Variants in HEATR5A observed in about 807,000 individuals in gnomAD.
HEATR5A encodes HEAT repeat containing 5A.
In HEATR5A, 178 loss-of-function variants were observed where a neutral mutation model predicts 218.8. That is an observed-to-expected ratio of 0.81 (90% CI 0.72 to 0.92). The LOEUF is 0.92. Ranked by LOEUF, HEATR5A falls within the 40% of genes least tolerant of loss-of-function variation. The probability of loss-of-function intolerance (pLI) is 0.00; values close to 1 mark genes in which losing one functional copy is unlikely to be tolerated. For missense variants in HEATR5A, 2,420 were observed against 2,418.9 expected (o/e 1.00, Z -0.01); for synonymous variants, 864 against 871.6 (o/e 0.99, Z 0.15).
At chr14:31,384,805 C>A (rs1412236290) in intron 9 of HEATR5A, among the ~76,000 whole-genome samples, 1 of 152,084 alleles carries the variant, frequency 6.6e-6, no homozygotes, top group Non-Finnish European at 1.5e-5. Flanking sequence ...GGATTACAGG[C>A]ATGAGCCACC....
chr14:31,333,257 T>C lies in HEATR5A; in HGVS notation c.3367+4219A>G, dbSNP rs577607254. 3.4e-4 allele frequency among the ~76,000 whole-genome samples: 51 copies of C among 152,202 alleles called. No homozygotes were observed. In the East Asian group the frequency reaches 8.9e-3, roughly 27 times the overall value. On this transcript the variant is annotated intron_variant, in intron 22 of 35. Transcript: ENST00000543095. ...CAAAACAACAGTTTTTCTTTTTCTT[T>C]CCTTTTTTTGAGACTGAGTCTTGCT...
intron 25 of HEATR5A, chr14:31,320,178 C>T (rs1011340285): frequency 3.5e-5 from 20 of 565,836 alleles, no homozygotes; most frequent in Non-Finnish European, 5.7e-5. Flanking sequence ...CCAGGAATGG[C>T]GCGGAGTTGC....
Position 31,395,180 on chromosome 14 carries a change from G to A in HEATR5A, c.597+19C>T, listed in dbSNP as rs528972849. ...TTCTTTATATTAATTTTTAAAGTCT[G>A]CTTATTAGATCATTTTACCTTTGCA... is the stretch of plus-strand genomic sequence containing the variant. On this transcript the variant is annotated intron_variant, in intron 5 of 35. Coordinates refer to ENST00000543095, the MANE Select transcript of HEATR5A (RefSeq NM_015473.4). The A allele has an allele frequency of 6.1e-6, 9 of 1,465,494 alleles. No individual in the cohort carries two copies. In the Admixed American group the frequency reaches 1.9e-4, roughly 30 times the overall value. The allele number at this position is 1,465,494 out of a possible 1,614,324, so 90.8% of individuals were successfully genotyped here. A position where few individuals can be genotyped will look rare whatever the true frequency, so the allele number is the denominator to read the frequency against.
intron 13 of HEATR5A, among the ~76,000 whole-genome samples, chr14:31,365,689 G>A (rs921921313): frequency 1.3e-5 from 2 of 150,434 alleles, no homozygotes; most frequent in African/African-American, 4.9e-5. Context: ...TGTCGAGACA[G>A]GGTCTTGCTC....
chr14:31,320,556 C>A, intron 25 of HEATR5A: 1 of 919,070 alleles, frequency 1.1e-6, no homozygotes. Context: ...AAGGAGAAGG[C>A]AGACACAGGC....
chr14:31,376,803 A>G (rs1202500200), intron 11 of HEATR5A, among the ~76,000 whole-genome samples: 15 of 152,186 alleles, frequency 9.9e-5, no homozygotes, highest in Non-Finnish European at 2.2e-4. Context: ...CAAAGCAAAA[A>G]TTAACAAAGC....
At chr14:31,336,661 G>A (rs1019502113) in intron 22 of HEATR5A, among the ~76,000 whole-genome samples, 10 of 152,096 alleles carry the variant, frequency 6.6e-5, no homozygotes, top group African/African-American at 2.4e-4. Flanking sequence ...TCTTTAACTT[G>A]TAGCAGACGT....
intron 6 of HEATR5A, among the ~76,000 whole-genome samples, chr14:31,391,331 G>T (rs2030446149): frequency 6.6e-6 from 1 of 152,046 alleles, no homozygotes; most frequent in African/African-American, 2.4e-5. Context: ...GACAGATGAG[G>T]TTTCCCCATC....
intron 11 of HEATR5A, among the ~76,000 whole-genome samples, chr14:31,375,611 C>G (rs114021907): frequency 1.1e-3 from 167 of 152,130 alleles, no homozygotes; most frequent in African/African-American, 4.0e-3. Flanking sequence ...CCATGTTTCC[C>G]AGGCAGGTCT....
intron 13 of HEATR5A, among the ~76,000 whole-genome samples, chr14:31,365,700 T>C (rs1282428565): frequency 1.3e-5 from 2 of 151,976 alleles, no homozygotes; most frequent in African/African-American, 4.8e-5. Context: ...GGTCTTGCTC[T>C]GTCGCCCAGG....
intron 13 of HEATR5A, 91 bp from the exon 14 acceptor site, chr14:31,364,389 G>T: frequency 1.6e-6 from 1 of 615,646 alleles, no homozygotes; most frequent in Non-Finnish European, 2.8e-6. Context: ...ATATAAATTA[G>T]CTATGTATTT....
intron 19 of HEATR5A, among the ~76,000 whole-genome samples, chr14:31,346,937 A>C (rs1270839567): frequency 2.6e-5 from 4 of 152,190 alleles, no homozygotes; most frequent in African/African-American, 9.6e-5. Context: ...AATAGGTAAG[A>C]TATGTACAAC....
intron 28 of HEATR5A, among the ~76,000 whole-genome samples, chr14:31,310,185 C>T (rs905243308): frequency 5.3e-5 from 8 of 151,814 alleles, no homozygotes; most frequent in African/African-American, 1.9e-4. Context: ...ACTTAAAAGG[C>T]ATCATACTGT....
intron 2 of HEATR5A, among the ~76,000 whole-genome samples, chr14:31,401,591 T>C (rs891847006): frequency 6.6e-6 from 1 of 152,234 alleles, no homozygotes; most frequent in Non-Finnish European, 1.5e-5. Flanking sequence ...GGAGCAATTA[T>C]AGTGCTACAC....
chr14:31,403,377 G>C (rs2030946481), intron 1 of HEATR5A, among the ~76,000 whole-genome samples: 1 of 152,166 alleles, frequency 6.6e-6, no homozygotes, highest in South Asian at 2.1e-4. Flanking sequence ...TGTAGTTTAA[G>C]TAACTTACTA....
chr14:31,349,801 A>C lies in HEATR5A; in HGVS notation c.2696T>G (p.Val899Gly), dbSNP rs1421522665. The part of the protein sequence containing the change: ...DGAFTAGLAQ[V>G]SFDKLKSARD... ...GAAATTCACTTACTTGTCAAAGCTA[A>C]CTTGAGCTAATCCAGCAGTAAAAGC... The change falls in exon 18 of 36, where the codon GTT (valine) becomes GGT (glycine). Residue 899 changes from valine to glycine, a missense_variant. Physicochemically the swap from Val to Gly is moderately radical, Grantham distance 109. Coordinates refer to ENST00000543095, the MANE Select transcript of HEATR5A (RefSeq NM_015473.4). 3 of 1,611,250 alleles carry C rather than the reference A, an allele frequency of 1.9e-6. No individual in the cohort carries two copies. The Admixed American group carries it at 5.0e-5, about 27-fold the overall frequency.
intron 22 of HEATR5A, chr14:31,334,309 T>C (rs1001334483): frequency 7.4e-6 from 3 of 403,766 alleles, no homozygotes; most frequent in Non-Finnish European, 1.5e-5. Context: ...ATTTTCAAGT[T>C]GTCTTATTTA....
intron 26 of HEATR5A, 86 bp from the exon 27 acceptor site, chr14:31,316,035 G>GTGCTGGGATTA: frequency 1.8e-6 from 2 of 1,087,830 alleles, no homozygotes; most frequent in Non-Finnish European, 2.5e-6. Flanking sequence ...TGTAATCCCA[G>GTGCTGGGATTA]CACTTTGGGA....
At chr14:31,328,711 C>T (rs1021156667) in intron 22 of HEATR5A, among the ~76,000 whole-genome samples, 1 of 152,038 alleles carries the variant, frequency 6.6e-6, no homozygotes, top group African/African-American at 2.4e-5. Flanking sequence ...GAAACCCCAT[C>T]TCACTAAAAA....
Sources: gnomAD v4.1 joint callset for allele counts (sites outside exome capture counted in the v4.1 genomes callset) on GRCh38, gnomAD v4.1.1 for gene constraint, MANE v1.5 for transcripts, NCBI Gene and HGNC (gene_info 2026-07-23, HGNC 2026-07-21) for gene names.